The following TLL1 variants were observed in gnomAD, a reference collection of about 807,000 sequenced individuals.
TLL1 encodes tolloid like 1, also known as tolloid-like protein 1.
TLL1 carries 49 observed loss-of-function variants against 128.2 expected under a neutral mutation model. The observed-to-expected ratio is 0.38, with a 90% CI of 0.30 to 0.48. TLL1 has a LOEUF of 0.48. TLL1 is among the 20% of genes least tolerant of loss of function. The probability of loss-of-function intolerance (pLI) is 0.96; values close to 1 mark genes in which losing one functional copy is unlikely to be tolerated. For synonymous variants in TLL1, 454 were observed against 418.8 expected (o/e 1.08, Z -1.03); for missense variants, 1,123 against 1,242.0 (o/e 0.90, Z 1.44).
intron 1 of TLL1, chr4:165,874,987 G>C (rs1240786689): frequency 6.6e-6 from 1 of 152,444 alleles, no homozygotes; most frequent in Non-Finnish European, 1.5e-5. Context: ...CGGGCTTCGG[G>C]AGCTCCTGGT....
intron 1 of TLL1, among the ~76,000 whole-genome samples, chr4:165,925,447 T>C (rs530944942): frequency 6.6e-6 from 1 of 152,250 alleles, no homozygotes; most frequent in Non-Finnish European, 1.5e-5. Flanking sequence ...AGAACTAGAA[T>C]TAGAAGTAAA....
intron 8 of TLL1, among the ~76,000 whole-genome samples, chr4:166,022,757 C>A (rs777034061): frequency 9.2e-5 from 14 of 152,216 alleles, no homozygotes; most frequent in Non-Finnish European, 1.8e-4. Context: ...TTACACAATT[C>A]AAACACAATT....
chr4:166,093,522 A>G lies in TLL1; in HGVS notation c.2656+2181A>G, dbSNP rs199693270. ...TCTTATTTCAGAATTGAACAAATGT[A>G]CAATCGGGTTTTATATCAAGACATT... On this transcript the variant is annotated intron_variant, in intron 19 of 20. Transcript: ENST00000061240. Among the ~76,000 whole-genome samples, 6 of 152,276 alleles carry G rather than the reference A, an allele frequency of 3.9e-5. No homozygotes were observed. In the East Asian group the frequency reaches 1.2e-3, roughly 30 times the overall value.
intron 2 of TLL1, 128 bp downstream of exon 2, chr4:165,989,619 C>A: frequency 7.6e-6 from 5 of 656,034 alleles, no homozygotes; most frequent in Non-Finnish European, 5.3e-6. Flanking sequence ...CACAAATATA[C>A]ATATTTAGAA....
chr4:166,059,695 A>G (rs566351394), intron 14 of TLL1, among the ~76,000 whole-genome samples: 1 of 152,262 alleles, frequency 6.6e-6, no homozygotes, highest in South Asian at 2.1e-4. Flanking sequence ...AGGCACTACA[A>G]GATATTATTA....
chr4:166,004,303 G>C (rs567109856), intron 6 of TLL1, among the ~76,000 whole-genome samples: 173 of 152,174 alleles, frequency 1.1e-3, no homozygotes, highest in South Asian at 2.5e-3. Flanking sequence ...AAGTAAAAAT[G>C]TGTTTTTATT....
At chr4:165,975,464 C>A (rs1735833446) in intron 1 of TLL1, among the ~76,000 whole-genome samples, 1 of 152,022 alleles carries the variant, frequency 6.6e-6, no homozygotes, top group Non-Finnish European at 1.5e-5. Context: ...ACAATTTCTG[C>A]CAGCTGTTTA....
At chr4:165,932,372 A>G (rs1051665211) in intron 1 of TLL1, among the ~76,000 whole-genome samples, 1 of 152,244 alleles carries the variant, frequency 6.6e-6, no homozygotes, top group Non-Finnish European at 1.5e-5. Flanking sequence ...TTGTGTGAAC[A>G]GGAAGTATTT....
intron 14 of TLL1, among the ~76,000 whole-genome samples, chr4:166,059,656 A>T (rs565277783): frequency 2.3e-4 from 35 of 152,086 alleles, no homozygotes; most frequent in South Asian, 6.2e-4. Context: ...ACAAAAAAAA[A>T]ATTTTTTTCC....
chr4:165,994,309 TG>T, intron 3 of TLL1, 71 bp from the exon 4 acceptor site: 5 of 1,575,910 alleles, frequency 3.2e-6, no homozygotes, highest in Middle Eastern at 1.7e-4. Context: ...TTTTAACTTT[TG>T]TCCTTTAAGA....
At chr4:166,054,791 T>G (rs1304484165) in intron 12 of TLL1, among the ~76,000 whole-genome samples, 1 of 152,082 alleles carries the variant, frequency 6.6e-6, no homozygotes, top group Non-Finnish European at 1.5e-5. Flanking sequence ...AATTTCTACT[T>G]GTAGTTTAAT....
chr4:166,030,471 T>C, intron 9 of TLL1: 1 of 612,172 alleles, frequency 1.6e-6, no homozygotes, highest in Non-Finnish European at 3.0e-6. Flanking sequence ...TTCACTCTGT[T>C]GATTGTGTCT....
In TLL1 at chr4:166,091,182, G is replaced by A. The variant is rs1741758965; in HGVS notation, c.2497G>A (p.Glu833Lys). The A allele has an allele frequency of 6.2e-7, 1 of 1,613,146 alleles. No individual in the cohort carries two copies. Among genetic ancestry groups the A allele is most frequent in the Non-Finnish European group, 8.5e-7 (1 of 1,179,470 alleles). Reference sequence around the variant, plus strand: ...TCAAGAATGTGCTTATGACCACTTAGAAGTATTTGATGGAGAAACAGAAAA... The same window carrying A: ...TCAAGAATGTGCTTATGACCACTTAAAAGTATTTGATGGAGAAACAGAAAA... ...QHQECAYDHL[E>K]VFDGETEKSP... The change falls in exon 19 of 21, where the codon GAA becomes AAA. Residue 833 changes from glutamate (E) to lysine (K), a missense_variant. Glu to Lys is a moderately conservative substitution (Grantham distance 56, BLOSUM62 1). Coordinates refer to ENST00000061240, the MANE Select transcript of TLL1 (RefSeq NM_012464.5).
chr4:166,071,136 G>T (rs1420537695), intron 16 of TLL1, among the ~76,000 whole-genome samples: 4 of 151,844 alleles, frequency 2.6e-5, no homozygotes, highest in South Asian at 2.1e-4. Flanking sequence ...ACCTGCTCTT[G>T]TATGTTTCTG....
intron 1 of TLL1, among the ~76,000 whole-genome samples, chr4:165,915,134 A>G (rs933553525): frequency 3.3e-5 from 5 of 152,210 alleles, no homozygotes; most frequent in Non-Finnish European, 7.3e-5. Context: ...GACATAAATA[A>G]CAAGAAGTAC....
chr4:166,034,042 G>C (rs1738891774), intron 9 of TLL1, among the ~76,000 whole-genome samples: 1 of 152,086 alleles, frequency 6.6e-6, no homozygotes, highest in African/African-American at 2.4e-5. Context: ...TATTGCCAAA[G>C]ACATTGCTTA....
intron 14 of TLL1, among the ~76,000 whole-genome samples, chr4:166,058,949 T>A (rs1448076751): frequency 6.6e-6 from 1 of 152,212 alleles, no homozygotes; most frequent in Non-Finnish European, 1.5e-5. Flanking sequence ...AACTTTCCTG[T>A]TTGGCTTCCA....
chr4:165,873,828 T>C lies in TLL1; in HGVS notation c.-77T>C, dbSNP rs1730598776. The C allele has an allele frequency of 3.2e-6, 5 of 1,564,310 alleles. No homozygotes were observed. The highest frequency in any genetic ancestry group is 4.4e-6 in the Non-Finnish European group (5 of 1,139,122). On this transcript the variant is annotated 5_prime_UTR_variant, in exon 1 of 21. Coordinates refer to ENST00000061240, the MANE Select transcript of TLL1 (RefSeq NM_012464.5). ...GTGGGGAGAAGAGCACCGGTGCCCC[T>C]AGCCCCGCACATCAGCGCGGACCGC... is the stretch of plus-strand genomic sequence containing the variant.
At chr4:166,079,430 G>A (rs1341091443) in intron 18 of TLL1, among the ~76,000 whole-genome samples, 1 of 152,046 alleles carries the variant, frequency 6.6e-6, no homozygotes, top group Non-Finnish European at 1.5e-5. Flanking sequence ...TAGGATGACA[G>A]TTTTCTTTCT....
Sources: gnomAD v4.1 joint callset for allele counts (sites outside exome capture counted in the v4.1 genomes callset) on GRCh38, gnomAD v4.1.1 for gene constraint, MANE v1.5 for transcripts, NCBI Gene and HGNC (gene_info 2026-07-23, HGNC 2026-07-21) for gene names.